The following OPCML variants were observed in gnomAD, a reference collection of about 807,000 sequenced individuals.
OPCML encodes opioid-binding protein/cell adhesion molecule.
In OPCML, 13 loss-of-function variants were observed where a neutral mutation model predicts 37.8. That is an observed-to-expected ratio of 0.34 (90% CI 0.22 to 0.55). The LOEUF (loss-of-function observed/expected upper bound fraction) is 0.55, where lower values mean the gene tolerates loss of function less well. Among genes scored for constraint, OPCML ranks in the 20% least tolerant of loss-of-function variants. The pLI is 0.91. For synonymous variants in OPCML, 176 were observed against 168.8 expected, an observed-to-expected ratio of 1.04 and a Z score of -0.33; for missense variants, 341 against 435.6, an observed-to-expected ratio of 0.78 and a Z score of 1.93.
chr11:133,092,160 A>T (rs1443263664), intron 1 of OPCML, among the ~76,000 whole-genome samples: 1 of 152,164 alleles, frequency 6.6e-6, no homozygotes, highest in Non-Finnish European at 1.5e-5. Flanking sequence ...GGAGGAGGCA[A>T]CGGGGCACTA....
intron 1 of OPCML, among the ~76,000 whole-genome samples, chr11:132,994,250 A>G (rs1157858224): frequency 2.0e-5 from 3 of 152,148 alleles, no homozygotes; most frequent in Non-Finnish European, 4.4e-5. Flanking sequence ...GCGCGGGAGC[A>G]CGTCCGGGGC....
At chr11:132,830,102 A>G (rs928297783) in intron 2 of OPCML, among the ~76,000 whole-genome samples, 6 of 152,046 alleles carry the variant, frequency 3.9e-5, no homozygotes, top group African/African-American at 1.2e-4. Flanking sequence ...TTTTCCCCCA[A>G]TCTGTATTAT....
chr11:132,753,080 T>C (rs61150754), intron 2 of OPCML, among the ~76,000 whole-genome samples: 6,182 of 152,172 alleles, frequency 0.041, 239 homozygotes, highest in African/African-American at 0.11. Context: ...ATAAATTCCA[T>C]GGTCACCTTC....
At chr11:132,803,572 C>T (rs1443351477) in intron 2 of OPCML, among the ~76,000 whole-genome samples, 1 of 152,140 alleles carries the variant, frequency 6.6e-6, no homozygotes, top group Non-Finnish European at 1.5e-5. Flanking sequence ...AGGCCTAAAG[C>T]CCAAACTCAC....
At chr11:132,438,681 T>A (rs1044712766) in intron 4 of OPCML, among the ~76,000 whole-genome samples, 5 of 148,994 alleles carry the variant, frequency 3.4e-5, no homozygotes, top group African/African-American at 1.0e-4. Flanking sequence ...AAGGTGTCTG[T>A]GGAGGTGGGC....
intron 2 of OPCML, among the ~76,000 whole-genome samples, chr11:132,670,287 C>T (rs932139185): frequency 5.9e-5 from 9 of 152,264 alleles, no homozygotes; most frequent in African/African-American, 1.9e-4. Flanking sequence ...GCACAACTAT[C>T]GTGGGAGCAA....
At chr11:133,271,621 C>T (rs922897795) in intron 1 of OPCML, among the ~76,000 whole-genome samples, 2 of 152,156 alleles carry the variant, frequency 1.3e-5, no homozygotes, top group African/African-American at 4.8e-5. Flanking sequence ...AGAGTTGTTC[C>T]TCCCATTTTA....
intron 4 of OPCML, among the ~76,000 whole-genome samples, chr11:132,514,698 G>A (rs1049588595): frequency 2.6e-5 from 4 of 152,046 alleles, no homozygotes; most frequent in South Asian, 4.1e-4. Flanking sequence ...ATGCCTTCTG[G>A]GACAGAAAAT....
At chr11:132,801,207 C>T (rs778004294) in intron 2 of OPCML, among the ~76,000 whole-genome samples, 6 of 152,138 alleles carry the variant, frequency 3.9e-5, no homozygotes, top group Admixed American at 1.3e-4. Context: ...TCTTATAATC[C>T]TGTTATTTCT....
Position 132,490,820 on chromosome 11 carries a change from GAA to G in OPCML, c.505+38239_505+38240del, listed in dbSNP as rs531599212. ...AGCGAGACTCTATCTCAAAAAAAAA[GAA>G]AAAAAAAAAAAAGAAATGAAGAACC... On this transcript the variant is annotated intron_variant, in intron 4 of 7. Coordinates refer to ENST00000524381, the MANE Select transcript of OPCML (RefSeq NM_001012393.5). Among the ~76,000 whole-genome samples the G allele has an allele frequency of 8.8e-3, 1,043 of 117,960 alleles. 10 individuals carry two copies. The highest frequency in any genetic ancestry group is 0.029 in the African/African-American group (964 of 33,452). 77.4% of individuals were successfully genotyped at this position (117,960 alleles called of 152,430 possible).
chr11:132,771,714 GAGTC>G (rs1395242291), intron 2 of OPCML: 2 of 152,174 alleles, frequency 1.3e-5, no homozygotes, highest in African/African-American at 4.8e-5. Context: ...AAAAGCCACA[GAGTC>G]AGTCAATGAA....
Position 132,943,842 on chromosome 11 carries a change from G to A in OPCML, c.62-832C>T, listed in dbSNP as rs1299104251. 6.6e-6 allele frequency: 1 copy of A among 150,690 alleles called. No homozygotes were observed. Among genetic ancestry groups the A allele is most frequent in the East Asian group, 1.9e-4 (1 of 5,154 alleles). 9.3% of individuals were successfully genotyped at this position (150,690 alleles called of 1,614,324 possible). A position where few individuals can be genotyped will look rare whatever the true frequency, so the allele number is the denominator to read the frequency against. On this transcript the variant is annotated intron_variant, in intron 1 of 7. Coordinates refer to ENST00000524381, the MANE Select transcript of OPCML (RefSeq NM_001012393.5). This position sits in a 1 kb window ranked among gnomAD's most constrained non-coding sequence, Gnocchi z 4.3. ...CCGGGGACGCGGCACGAGACGCGGG[G>A]ACGCGCGGACGCCACGCTCAGCGGC...
intron 3 of OPCML, among the ~76,000 whole-genome samples, chr11:132,622,228 C>T (rs972203755): frequency 1.3e-5 from 2 of 151,778 alleles, no homozygotes; most frequent in African/African-American, 4.8e-5. Flanking sequence ...TCAAGTCCGT[C>T]AAGTGACAAG....
intron 3 of OPCML, among the ~76,000 whole-genome samples, chr11:132,611,532 C>A (rs571326857): frequency 6.6e-6 from 1 of 152,212 alleles, no homozygotes; most frequent in South Asian, 2.1e-4. Context: ...CCTCAGATAG[C>A]CTTTAAGTTA....
intron 2 of OPCML, among the ~76,000 whole-genome samples, chr11:132,821,904 C>T (rs1416361313): frequency 6.6e-6 from 1 of 152,142 alleles, no homozygotes; most frequent in Non-Finnish European, 1.5e-5. Flanking sequence ...CTTGTCTTGA[C>T]TCTGCAGAGT....
rs538856069 is a variant in OPCML, at chr11:132,802,015, G to A, written c.146+140911C>T. 2.1e-4 allele frequency among the ~76,000 whole-genome samples: 32 copies of A among 151,914 alleles called. No homozygotes were observed. The East Asian group carries it at 3.3e-3, about 16-fold the overall frequency. On this transcript the variant is annotated intron_variant, in intron 2 of 7. Transcript: ENST00000524381. ...CTCCCCCCACCACCCTCATCATCCCGAACCCAGCCTTCACCATCTAAGTAA... is the reference window on the plus strand; with the variant it reads ...CTCCCCCCACCACCCTCATCATCCCAAACCCAGCCTTCACCATCTAAGTAA...
chr11:133,016,265 C>T (rs986266293), intron 1 of OPCML, among the ~76,000 whole-genome samples: 1 of 152,102 alleles, frequency 6.6e-6, no homozygotes, highest in Non-Finnish European at 1.5e-5. Context: ...AGCCTGGATT[C>T]CTATTTGGGG....
At chr11:133,408,906 C>T (rs1260362725) in intron 1 of OPCML, among the ~76,000 whole-genome samples, 1 of 152,196 alleles carries the variant, frequency 6.6e-6, no homozygotes, top group African/African-American at 2.4e-5. Flanking sequence ...TTAGTTCAAT[C>T]GTCTCTCTTA....
chr11:132,534,418 C>T (rs1258633001), intron 3 of OPCML, among the ~76,000 whole-genome samples: 1 of 152,112 alleles, frequency 6.6e-6, no homozygotes, highest in Non-Finnish European at 1.5e-5. Context: ...TTAATAGATG[C>T]TTAATAAAAA....
Sources: gnomAD v4.1 joint callset for allele counts (sites outside exome capture counted in the v4.1 genomes callset) on GRCh38, gnomAD v4.1.1 for gene constraint, Gnocchi (gnomAD v3.1) non-coding constraint, MANE v1.5 for transcripts, NCBI Gene and HGNC (gene_info 2026-07-23, HGNC 2026-07-21) for gene names.